Variants in CTIF observed in about 807,000 individuals in gnomAD.
CTIF encodes CBP80/20-dependent translation initiation factor.
A neutral mutation model predicts 66.0 loss-of-function variants in CTIF; 21 were observed. That is an observed-to-expected ratio of 0.32 (90% CI 0.23 to 0.46). The LOEUF is 0.46. Ranked by LOEUF, CTIF falls within the 20% of genes least tolerant of loss-of-function variation. The pLI is 1.00. For missense variants in CTIF, 739 were observed against 812.7 expected (o/e 0.91, Z 1.10); for synonymous variants, 345 against 326.4 (o/e 1.06, Z -0.62).
chr18:48,633,658 C>T (rs561027867), intron 2 of CTIF, among the ~76,000 whole-genome samples: 3 of 151,738 alleles, frequency 2.0e-5, no homozygotes, highest in Non-Finnish European at 2.9e-5. Context: ...ACCAAGATTG[C>T]GCCACTGCAC....
intron 3 of CTIF, among the ~76,000 whole-genome samples, chr18:48,657,673 G>A (rs902008612): frequency 6.6e-6 from 1 of 152,168 alleles, no homozygotes; most frequent in Non-Finnish European, 1.5e-5. Context: ...GGCTGCTGAG[G>A]AGGCTGCAGA....
chr18:48,808,354 A>G (rs1336698130), intron 9 of CTIF, among the ~76,000 whole-genome samples: 1 of 152,210 alleles, frequency 6.6e-6, no homozygotes, highest in African/African-American at 2.4e-5. Flanking sequence ...CTATTTATAT[A>G]TTAAGACCAT....
chr18:48,662,635 T>G (rs551723300), intron 3 of CTIF: 2 of 151,696 alleles, frequency 1.3e-5, no homozygotes, highest in East Asian at 3.9e-4. Flanking sequence ...CCTCTCCTTC[T>G]AGTTAATCAA....
At chr18:48,561,235 CAAAAAA>C (rs36056519) in intron 1 of CTIF, among the ~76,000 whole-genome samples, 2 of 92,338 alleles carry the variant, frequency 2.2e-5, no homozygotes, top group Admixed American at 2.6e-4. Flanking sequence ...GACTCTGTCT[CAAAAAA>C]AAAAAAAAAA....
At chr18:48,551,301 T>C (rs1363459937) in intron 1 of CTIF, among the ~76,000 whole-genome samples, 2 of 151,730 alleles carry the variant, frequency 1.3e-5, no homozygotes, top group African/African-American at 4.8e-5. Flanking sequence ...ATAAATACAT[T>C]TCTGCTGATG....
At chr18:48,595,721 T>C (rs749899280) in intron 1 of CTIF, among the ~76,000 whole-genome samples, 2 of 152,200 alleles carry the variant, frequency 1.3e-5, no homozygotes, top group African/African-American at 4.8e-5. Context: ...TACATACATT[T>C]GTTATTTCAT....
intron 7 of CTIF, among the ~76,000 whole-genome samples, chr18:48,715,720 C>A (rs1598915634): frequency 6.6e-6 from 1 of 152,196 alleles, no homozygotes; most frequent in East Asian, 1.9e-4. Flanking sequence ...AGCCTGAGCT[C>A]CCTGGGAAGC....
chr18:48,585,345 A>G (rs1007889640), intron 1 of CTIF, among the ~76,000 whole-genome samples: 1 of 152,276 alleles, frequency 6.6e-6, no homozygotes, highest in Non-Finnish European at 1.5e-5. Context: ...AAAGTGGGGA[A>G]AGTGGGCTTC....
chr18:48,614,875 G>GT (rs530362980), intron 1 of CTIF, among the ~76,000 whole-genome samples: 17 of 151,600 alleles, frequency 1.1e-4, no homozygotes, highest in East Asian at 5.8e-4. Context: ...TTGGTTGGTT[G>GT]TTTTTTTTGT....
chr18:48,596,913 G>C (rs2089997219), intron 1 of CTIF, among the ~76,000 whole-genome samples: 1 of 152,194 alleles, frequency 6.6e-6, no homozygotes. Flanking sequence ...CTGTTAATAA[G>C]GAAGGAGAGA....
At chr18:48,678,268 CA>C (rs1237902500) in intron 6 of CTIF, among the ~76,000 whole-genome samples, 1 of 152,194 alleles carries the variant, frequency 6.6e-6, no homozygotes, top group African/African-American at 2.4e-5. Context: ...CCTCTACAGA[CA>C]GCTTTGAAAG....
chr18:48,569,675 T>C (rs1457105509), intron 1 of CTIF, among the ~76,000 whole-genome samples: 1 of 152,198 alleles, frequency 6.6e-6, no homozygotes, highest in African/African-American at 2.4e-5. Context: ...AAAATTTTGC[T>C]GAACCCTCCT....
rs1908596352 is a variant in CTIF, at chr18:48,758,224, C to G, written c.890C>G (p.Pro297Arg). 1 of 1,613,452 alleles carries G rather than the reference C, an allele frequency of 6.2e-7. No individual in the cohort carries two copies. The highest frequency in any genetic ancestry group is 8.5e-7 in the Non-Finnish European group (1 of 1,179,756). ...GDTGHSSLEA[P>R]RSPDTLAPVA... ...ACCGGGCACAGCAGCCTTGAGGCCC[C>G]CCGCAGCCCTGACACCCTGGCCCCG... Residue 297 changes from proline to arginine, a missense_variant, in exon 8 of 12, where the codon CCC (proline) becomes CGC (arginine). By Grantham distance (103) the Pro-to-Arg change is moderately radical (BLOSUM62 -2). Around this residue, in one of 2 missense-constraint regions of CTIF, gnomAD observed 529 missense variants for 520.3 expected, o/e 1.02. Transcript: ENST00000256413.
intron 10 of CTIF, among the ~76,000 whole-genome samples, chr18:48,837,526 C>G (rs942055596): frequency 1.3e-5 from 2 of 152,092 alleles, no homozygotes; most frequent in Admixed American, 1.3e-4. Flanking sequence ...GGCACCTGAG[C>G]CTGGGTGAGC....
intron 6 of CTIF, among the ~76,000 whole-genome samples, chr18:48,700,627 G>A (rs1270858759): frequency 1.3e-5 from 2 of 152,238 alleles, no homozygotes; most frequent in East Asian, 3.9e-4. Context: ...AGCAGAGTGT[G>A]CTCAGAAGAA....
At chr18:48,639,888 C>T (rs1012589909) in intron 3 of CTIF, among the ~76,000 whole-genome samples, 2 of 152,098 alleles carry the variant, frequency 1.3e-5, no homozygotes, top group African/African-American at 4.8e-5. Flanking sequence ...TCCCAGGAAA[C>T]TCTGATTTCT....
intron 10 of CTIF, among the ~76,000 whole-genome samples, chr18:48,820,597 A>AC (rs1343526595): frequency 2.0e-5 from 3 of 151,236 alleles, no homozygotes. Context: ...GCACCCCAAG[A>AC]CCCCCTGCTC....
At chr18:48,580,128 A>G (rs1255259495) in intron 1 of CTIF, among the ~76,000 whole-genome samples, 1 of 152,154 alleles carries the variant, frequency 6.6e-6, no homozygotes, top group African/African-American at 2.4e-5. Flanking sequence ...GTTCTGCTAC[A>G]GGTTTGTATG....
At chr18:48,599,653 C>T (rs527786788) in intron 1 of CTIF, among the ~76,000 whole-genome samples, 1 of 152,322 alleles carries the variant, frequency 6.6e-6, no homozygotes, top group South Asian at 2.1e-4. Flanking sequence ...TTAGTGCCCA[C>T]CAGACTGTCC....
Sources: gnomAD v4.1 joint callset for allele counts (sites outside exome capture counted in the v4.1 genomes callset) on GRCh38, gnomAD v4.1.1 for gene constraint, gnomAD v4.1.1 regional missense constraint, MANE v1.5 for transcripts, NCBI Gene and HGNC (gene_info 2026-07-23, HGNC 2026-07-21) for gene names.